NAP1L4: variants seen among roughly 807,000 people sequenced by gnomAD.
NAP1L4 encodes the protein nucleosome assembly protein 1 like 4.
Under a neutral mutation model 58.2 loss-of-function variants are expected in NAP1L4, and 15 were observed. The ratio of observed to expected loss-of-function variants is 0.26; its 90% CI spans 0.17 to 0.40. The LOEUF is 0.40. NAP1L4 is among the 10% of genes least tolerant of loss of function. NAP1L4 has a pLI of 1.00. For missense variants in NAP1L4, 384 were observed against 451.1 expected, an observed-to-expected ratio of 0.85 and a Z score of 1.35; for synonymous variants, 171 against 155.6, an observed-to-expected ratio of 1.10 and a Z score of -0.74.
intron 1 of NAP1L4, among the ~76,000 whole-genome samples, chr11:2,988,601 T>C (rs1011910355): frequency 1.3e-5 from 2 of 152,230 alleles, no homozygotes; most frequent in Admixed American, 1.3e-4. Context: ...TTATTATACT[T>C]AAAACCTTTG....
intron 1 of NAP1L4, among the ~76,000 whole-genome samples, chr11:2,986,626 A>AT (rs66494210): frequency 0.71 from 98,449 of 139,610 alleles, 34,968 homozygotes; most frequent in East Asian, 0.88. Context: ...ATGGTAGTAA[A>AT]TTTTTTTTTT....
rs1846232471 is a variant in NAP1L4, at chr11:2,951,635, G to A, written c.1065+145C>T. The A allele has an allele frequency of 8.9e-6, 7 of 782,230 alleles. No homozygotes were observed. In the South Asian group the frequency reaches 1.1e-4, roughly 12 times the overall value. 48.5% of individuals were successfully genotyped at this position (782,230 alleles called of 1,614,324 possible). On this transcript the variant is annotated intron_variant, in intron 13 of 15. Coordinates refer to ENST00000380542, the MANE Select transcript of NAP1L4 (RefSeq NM_005969.4). The surrounding 1 kb of genome is among the most constrained non-coding windows in gnomAD (Gnocchi z 4.0). ...AGCATTTGCTATGCATTTCTGCTTA[G>A]TGTTTTAAGAACATTCTTAGAATCA...
At chr11:2,958,286 A>T in intron 10 of NAP1L4, 113 bp downstream of exon 10, 1 of 1,122,292 alleles carries the variant, frequency 8.9e-7, no homozygotes, top group Non-Finnish European at 1.3e-6. Flanking sequence ...GCCCCTACTG[A>T]CCACACTTGC....
chr11:2,968,142 C>T (rs1188484785), intron 7 of NAP1L4, among the ~76,000 whole-genome samples: 1 of 152,156 alleles, frequency 6.6e-6, no homozygotes, highest in African/African-American at 2.4e-5. Context: ...CTCCCCATGC[C>T]CCCCGAAGTC....
intron 1 of NAP1L4, chr11:2,991,232 C>T (rs959259971): frequency 1.2e-5 from 5 of 433,986 alleles, no homozygotes; most frequent in African/African-American, 1.0e-4. Flanking sequence ...CTGCCTCCTG[C>T]CCCGCAATCA....
chr11:2,951,394 G>T lies in NAP1L4; in HGVS notation c.1066-79C>A. Reference sequence around the variant, plus strand: ...CATTCACAATCCACAAACACAAGGAGCAAAACACTGCCTTAGATGGAAATC... The same window carrying T: ...CATTCACAATCCACAAACACAAGGATCAAAACACTGCCTTAGATGGAAATC... On this transcript the variant is annotated intron_variant, in intron 13 of 15. Coordinates refer to ENST00000380542, the MANE Select transcript of NAP1L4 (RefSeq NM_005969.4). This position sits in a 1 kb window ranked among gnomAD's most constrained non-coding sequence, Gnocchi z 4.0. 1 of 1,182,646 alleles carries T rather than the reference G, an allele frequency of 8.5e-7. No homozygotes were observed. The highest frequency in any genetic ancestry group is 1.7e-5 in the Admixed American group (1 of 58,000). 73.3% of individuals were successfully genotyped at this position (1,182,646 alleles called of 1,614,324 possible).
Position 2,951,329 on chromosome 11 carries a change from G to GTGAGAATTAGC in NAP1L4, c.1066-25_1066-15dup. On this transcript the variant is annotated splice_polypyrimidine_tract_variant and intron_variant, in intron 13 of 15. Transcript: ENST00000380542. The surrounding 1 kb of genome is among the most constrained non-coding windows in gnomAD (Gnocchi z 4.0). ...ACCTTCTAATTCCTGTATTTAAAAA[G>GTGAGAATTAGC]TGAGAATTAGCTGGAATGACAAGAT... The GTGAGAATTAGC allele has an allele frequency of 6.2e-7, 1 of 1,611,106 alleles. No homozygotes were observed. Among genetic ancestry groups the GTGAGAATTAGC allele is most frequent in the South Asian group, 1.1e-5 (1 of 90,994 alleles).
In NAP1L4 at chr11:2,949,158, A is replaced by G. The variant is rs1218568306; in HGVS notation, c.*32+69T>C. 1 of 1,262,374 alleles carries G rather than the reference A, an allele frequency of 7.9e-7. No individual in the cohort carries two copies. The highest frequency in any genetic ancestry group is 1.5e-5 in the African/African-American group (1 of 67,046). The allele number at this position is 1,262,374 out of a possible 1,614,324, so 78.2% of individuals were successfully genotyped here. On this transcript the variant is annotated intron_variant, in intron 15 of 15. Transcript: ENST00000380542. This position sits in a 1 kb window ranked among gnomAD's most constrained non-coding sequence, Gnocchi z 4.0. ...AGCAACTCCCTCTTTATTCAAAGTC[A>G]AAACAATGCATTGTATAAAGTATAG...
chr11:2,979,190 A>T lies in NAP1L4; in HGVS notation c.14+17T>A. Reference sequence around the variant, plus strand: ...CTGAATTTTAAACTCCAATAAACAAAGTCCACTTTGGCTTACCTGTGATCT... The same window carrying T: ...CTGAATTTTAAACTCCAATAAACAATGTCCACTTTGGCTTACCTGTGATCT... On this transcript the variant is annotated intron_variant, in intron 2 of 15. Transcript: ENST00000380542. The T allele has an allele frequency of 6.2e-7, 1 of 1,609,348 alleles. No homozygotes were observed. The highest frequency in any genetic ancestry group is 8.5e-7 in the Non-Finnish European group (1 of 1,177,896).
intron 7 of NAP1L4, 49 bp downstream of exon 7, chr11:2,969,754 T>C (rs757882489): frequency 3.8e-6 from 6 of 1,562,568 alleles, no homozygotes; most frequent in South Asian, 2.4e-5. Flanking sequence ...AGATAAGTAA[T>C]GTTAGAAGAC....
At chr11:2,952,683 T>A (rs1846300288) in intron 12 of NAP1L4, 1 of 152,258 alleles carries the variant, frequency 6.6e-6, no homozygotes, top group Non-Finnish European at 1.5e-5. Flanking sequence ...GGACCCTAAC[T>A]GGCATCAGGC....
chr11:2,971,684 A>T lies in NAP1L4; in HGVS notation c.316-150T>A. 1 of 667,172 alleles carries T rather than the reference A, an allele frequency of 1.5e-6. No individual in the cohort carries two copies. Among genetic ancestry groups the T allele is most frequent in the Non-Finnish European group, 2.5e-6 (1 of 405,160 alleles). The allele number at this position is 667,172 out of a possible 1,614,324, so 41.3% of individuals were successfully genotyped here. On this transcript the variant is annotated intron_variant, in intron 5 of 15. Coordinates refer to ENST00000380542, the MANE Select transcript of NAP1L4 (RefSeq NM_005969.4). The surrounding 1 kb of genome is among the most constrained non-coding windows in gnomAD (Gnocchi z 4.2). ...GATTCTAAATTTTAGGGTTCAAAGA[A>T]AAATATTAAATGATTCCCTGGGTAA...
At chr11:2,975,991 A>C in intron 4 of NAP1L4, 33 bp downstream of exon 4, 1 of 1,548,798 alleles carries the variant, frequency 6.5e-7, no homozygotes, top group Non-Finnish European at 8.8e-7. Context: ...TGTTTCTCCA[A>C]ATTGCATGAG....
rs1207447123 is a variant in NAP1L4, at chr11:2,946,617, A to G, written c.*33-971T>C. ...GGTTACCATAAATGATATCTTCCAC[A>G]GTATAAGCTGAGGCTACAGTTCATT... On this transcript the variant is annotated intron_variant, in intron 15 of 15. Coordinates refer to ENST00000380542, the MANE Select transcript of NAP1L4 (RefSeq NM_005969.4). This position sits in a 1 kb window ranked among gnomAD's most constrained non-coding sequence, Gnocchi z 4.8. Among the ~76,000 whole-genome samples, 1 of 152,218 alleles carries G rather than the reference A, an allele frequency of 6.6e-6. No individual in the cohort carries two copies. The highest frequency in any genetic ancestry group is 1.5e-5 in the Non-Finnish European group (1 of 68,044).
Position 2,945,545 on chromosome 11 carries a change from C to A in NAP1L4, c.*134G>T. The A allele has an allele frequency of 1.4e-6, 2 of 1,436,614 alleles. No homozygotes were observed. The highest frequency in any genetic ancestry group is 1.9e-6 in the Non-Finnish European group (2 of 1,058,552). The allele number at this position is 1,436,614 out of a possible 1,614,324, so 89.0% of individuals were successfully genotyped here. ...CACGGGATTGTGCTGCGGCAAGGAC[C>A]GAGGCCCCGCCCACAGGCCTGGAGT... On this transcript the variant is annotated 3_prime_UTR_variant, in exon 16 of 16. Transcript: ENST00000380542.
intron 8 of NAP1L4, among the ~76,000 whole-genome samples, chr11:2,963,098 C>CAAAAAG (rs1847035110): frequency 1.0e-5 from 1 of 97,092 alleles, no homozygotes; most frequent in Non-Finnish European, 2.0e-5. Context: ...GACTCGGTCT[C>CAAAAAG]AAAAAAAAAA....
At chr11:2,952,778 A>C (rs1846307862) in intron 12 of NAP1L4, 2 of 152,244 alleles carry the variant, frequency 1.3e-5, no homozygotes, top group African/African-American at 4.8e-5. Context: ...CAAGGCTCTA[A>C]GGACAGCATT....
In NAP1L4 at chr11:2,960,677, T is replaced by C. The variant is rs191007020; in HGVS notation, c.607-768A>G. 5.2e-3 allele frequency among the ~76,000 whole-genome samples: 794 copies of C among 152,338 alleles called. 5 individuals are homozygous for C. The highest frequency in any genetic ancestry group is 0.013 in the Admixed American group (198 of 15,302). Reference sequence around the variant, plus strand: ...ACTCATGTACTGTCGACAGATTTTATGAAGGACAATTTGGCAATATCAAAA... The same window carrying C: ...ACTCATGTACTGTCGACAGATTTTACGAAGGACAATTTGGCAATATCAAAA... On this transcript the variant is annotated intron_variant, in intron 8 of 15. Coordinates refer to ENST00000380542, the MANE Select transcript of NAP1L4 (RefSeq NM_005969.4).
intron 7 of NAP1L4, 33 bp downstream of exon 7, chr11:2,969,770 C>T (rs780627481): frequency 2.5e-6 from 4 of 1,583,410 alleles, no homozygotes; most frequent in East Asian, 2.3e-5. Context: ...AAGACTAGCA[C>T]ATAATCTCTC....
Sources: allele counts gnomAD v4.1 joint callset (sites outside exome capture counted in the v4.1 genomes callset), GRCh38; gene constraint gnomAD v4.1.1; non-coding constraint Gnocchi (gnomAD v3.1); transcripts MANE v1.5; gene names NCBI Gene and HGNC (gene_info 2026-07-23, HGNC 2026-07-21).